The following ZFPM2 variants were observed in gnomAD, a reference collection of about 807,000 sequenced individuals.
The protein encoded by ZFPM2 is zinc finger protein, FOG family member 2.
ZFPM2 carries 20 observed loss-of-function variants against 98.6 expected under a neutral mutation model. The ratio of observed to expected loss-of-function variants is 0.20; its 90% confidence interval spans 0.14 to 0.29. The LOEUF (loss-of-function observed/expected upper bound fraction) is 0.29. Ranked by LOEUF, ZFPM2 falls within the 10% of genes least tolerant of loss-of-function variation. The pLI, the probability that ZFPM2 is intolerant of heterozygous loss-of-function variation, is 1.00. For missense variants in ZFPM2, 1,310 were observed against 1,388.6 expected, an observed-to-expected ratio of 0.94 and a Z score of 0.90; for synonymous variants, 518 against 502.7, an observed-to-expected ratio of 1.03 and a Z score of -0.41.
intron 1 of ZFPM2, among the ~76,000 whole-genome samples, chr8:105,386,928 A>C (rs1285040445): frequency 6.6e-6 from 1 of 152,132 alleles, no homozygotes; most frequent in East Asian, 1.9e-4. Flanking sequence ...CCACCAGAGT[A>C]GGTAGATACA....
chr8:105,665,462 C>T (rs571321741), intron 5 of ZFPM2, among the ~76,000 whole-genome samples: 9 of 152,118 alleles, frequency 5.9e-5, no homozygotes, highest in Non-Finnish European at 1.0e-4. Context: ...TTCAGAGCCT[C>T]TCTCTGAGAT....
Position 105,652,968 on chromosome 8 carries a change from A to C in ZFPM2, c.532+18611A>C, listed in dbSNP as rs557273695. Among the ~76,000 whole-genome samples, 14 of 152,010 alleles carry C rather than the reference A, an allele frequency of 9.2e-5. No individual in the cohort carries two copies. The South Asian group carries it at 2.9e-3, about 32-fold the overall frequency. ...TGTAGATTTCTAGATTAAATTATGA[A>C]GTTTTTCAATCAAATGTTCTCACCT... On this transcript the variant is annotated intron_variant, in intron 5 of 7. Coordinates refer to ENST00000407775, the MANE Select transcript of ZFPM2 (RefSeq NM_012082.4).
intron 2 of ZFPM2, among the ~76,000 whole-genome samples, chr8:105,440,812 C>T (rs954617290): frequency 1.2e-4 from 18 of 152,204 alleles, no homozygotes; most frequent in African/African-American, 4.1e-4. Flanking sequence ...CCTCCTACCT[C>T]TGATCCTCTG....
In ZFPM2 at chr8:105,438,690, G is replaced by A. The variant is rs952227563; in HGVS notation, c.200-5590G>A. 5.9e-5 allele frequency among the ~76,000 whole-genome samples: 9 copies of A among 152,126 alleles called. No individual in the cohort carries two copies. In the South Asian group the frequency reaches 6.2e-4, roughly 10 times the overall value. ...GAATAAGGGAGAACTCAAAAGACCC[G>A]AAGTCTGATACGGTATGTTCATAGG... On this transcript the variant is annotated intron_variant, in intron 2 of 7. Transcript: ENST00000407775.
At chr8:105,695,376 G>A (rs1334107394) in intron 5 of ZFPM2, among the ~76,000 whole-genome samples, 1 of 89,720 alleles carries the variant, frequency 1.1e-5, no homozygotes. Context: ...AGAATGGTTT[G>A]TATTTTTTTT....
At chr8:105,442,501 A>G (rs1812275022) in intron 2 of ZFPM2, among the ~76,000 whole-genome samples, 1 of 152,252 alleles carries the variant, frequency 6.6e-6, no homozygotes, top group South Asian at 2.1e-4. Flanking sequence ...TTCCTTAAAC[A>G]TAGTAGATGC....
intron 5 of ZFPM2, among the ~76,000 whole-genome samples, chr8:105,765,128 T>C (rs1196478239): frequency 6.6e-6 from 1 of 151,870 alleles, no homozygotes; most frequent in Non-Finnish European, 1.5e-5. Flanking sequence ...TAGCATAAAC[T>C]ATCCTTTAGA....
At chr8:105,681,950 C>T (rs766936046) in intron 5 of ZFPM2, among the ~76,000 whole-genome samples, 31 of 152,218 alleles carry the variant, frequency 2.0e-4, no homozygotes, top group Non-Finnish European at 7.4e-5. Context: ...ACTGCTCTAT[C>T]TCCATTGTCT....
intron 3 of ZFPM2, among the ~76,000 whole-genome samples, chr8:105,501,090 C>G (rs1248273780): frequency 6.6e-6 from 1 of 152,080 alleles, no homozygotes; most frequent in Non-Finnish European, 1.5e-5. Context: ...ATTTGTAGTG[C>G]CCAACCCTTA....
At chr8:105,740,199 G>A (rs1175687794) in intron 5 of ZFPM2, among the ~76,000 whole-genome samples, 14 of 151,868 alleles carry the variant, frequency 9.2e-5, no homozygotes, top group Admixed American at 9.2e-4. Flanking sequence ...TGTTCTATCA[G>A]AAATAAAATA....
At chr8:105,738,963 T>C (rs1348543865) in intron 5 of ZFPM2, among the ~76,000 whole-genome samples, 1 of 152,114 alleles carries the variant, frequency 6.6e-6, no homozygotes, top group African/African-American at 2.4e-5. Flanking sequence ...GCATTTTTTC[T>C]TAATTTAGGC....
chr8:105,348,533 C>A (rs1324424538), intron 1 of ZFPM2, among the ~76,000 whole-genome samples: 1 of 152,078 alleles, frequency 6.6e-6, no homozygotes, highest in Admixed American at 6.6e-5. Context: ...TATTGTCTTA[C>A]TTATAAGAAA....
chr8:105,472,168 T>C (rs1301990731), intron 3 of ZFPM2, among the ~76,000 whole-genome samples: 1 of 152,206 alleles, frequency 6.6e-6, no homozygotes, highest in East Asian at 1.9e-4. Flanking sequence ...AGTACACCAA[T>C]ATGCTTTCAA....
intron 2 of ZFPM2, among the ~76,000 whole-genome samples, chr8:105,436,784 A>G (rs1382038945): frequency 1.3e-5 from 2 of 152,158 alleles, no homozygotes; most frequent in African/African-American, 4.8e-5. Flanking sequence ...AGGAATATTA[A>G]TACATGGCAG....
intron 1 of ZFPM2, among the ~76,000 whole-genome samples, chr8:105,391,958 A>T (rs917654364): frequency 4.6e-5 from 7 of 152,208 alleles, no homozygotes; most frequent in Non-Finnish European, 7.3e-5. Flanking sequence ...AGCTTTTCAG[A>T]TTACTTTGTT....
At chr8:105,471,657 A>G (rs569473944) in intron 3 of ZFPM2, among the ~76,000 whole-genome samples, 11 of 152,308 alleles carry the variant, frequency 7.2e-5, no homozygotes, top group African/African-American at 2.6e-4. Context: ...GAGGAGGTTG[A>G]TGGTACGCAA....
intron 5 of ZFPM2, among the ~76,000 whole-genome samples, chr8:105,745,904 TGGGC>T (rs1187363432): frequency 6.6e-6 from 1 of 152,006 alleles, no homozygotes; most frequent in African/African-American, 2.4e-5. Flanking sequence ...GAATTACAAG[TGGGC>T]ACCACCACAT....
intron 5 of ZFPM2, among the ~76,000 whole-genome samples, chr8:105,740,789 T>C (rs1474438025): frequency 6.6e-6 from 1 of 151,922 alleles, no homozygotes; most frequent in Non-Finnish European, 1.5e-5. Context: ...GAAAAGAAGA[T>C]GATAAACAAA....
chr8:105,380,468 A>G (rs1226781221), intron 1 of ZFPM2, among the ~76,000 whole-genome samples: 1 of 148,110 alleles, frequency 6.8e-6, no homozygotes, highest in Non-Finnish European at 1.5e-5. Flanking sequence ...TCAACATTAC[A>G]TAAGGACCCT....
Sources: allele counts gnomAD v4.1 joint callset (sites outside exome capture counted in the v4.1 genomes callset), GRCh38; gene constraint gnomAD v4.1.1; transcripts MANE v1.5; gene names NCBI Gene and HGNC (gene_info 2026-07-23, HGNC 2026-07-21).